Variants in NHS observed in about 807,000 individuals in gnomAD.
NHS encodes actin remodeling regulator NHS.
Under a neutral mutation model 72.5 loss-of-function variants are expected in NHS, and 5 were observed. That is an observed-to-expected ratio of 0.07 (90% CI 0.04 to 0.14). NHS has a LOEUF of 0.14. Among genes scored for constraint, NHS ranks in the 10% least tolerant of loss-of-function variants. The pLI, the probability that NHS is intolerant of heterozygous loss-of-function variation, is 1.00. For synonymous variants in NHS, 464 were observed against 547.7 expected, an observed-to-expected ratio of 0.85 and a Z score of 2.13; for missense variants, 1,072 against 1,355.7, an observed-to-expected ratio of 0.79 and a Z score of 3.29.
At chrX:17,702,463 A>C (rs1454982725) in intron 3 of NHS, among the ~76,000 whole-genome samples, 4 of 111,644 alleles carry the variant, frequency 3.6e-5, no homozygotes, top group Non-Finnish European at 5.6e-5. Flanking sequence ...CAGGCGGATC[A>C]CTTGAGGTCA....
chrX:17,675,338 T>C (rs2066073478), intron 1 of NHS, among the ~76,000 whole-genome samples: 1 of 112,774 alleles, frequency 8.9e-6, no homozygotes, highest in Admixed American at 9.4e-5. Context: ...AGATCAATTA[T>C]AAAATCAAGG....
At chrX:17,468,980 C>T (rs2064881209) in intron 1 of NHS, among the ~76,000 whole-genome samples, 1 of 111,982 alleles carries the variant, frequency 8.9e-6, no homozygotes, top group Non-Finnish European at 1.9e-5. Context: ...TGTCTCTGTC[C>T]ACCTGCCCTG....
intron 1 of NHS, among the ~76,000 whole-genome samples, chrX:17,539,537 T>C (rs903652746): frequency 9.1e-6 from 1 of 109,913 alleles, no homozygotes; most frequent in African/African-American, 3.3e-5. Flanking sequence ...GAATGATCAG[T>C]GGCAATTAGA....
chrX:17,540,426 A>G (rs1196676058), intron 1 of NHS, among the ~76,000 whole-genome samples: 1 of 112,184 alleles, frequency 8.9e-6, no homozygotes, highest in African/African-American at 3.2e-5. Flanking sequence ...AAGGCAGAAG[A>G]GATTGTGAGT....
At chrX:17,705,094 C>T (rs2066288445) in intron 3 of NHS, among the ~76,000 whole-genome samples, 1 of 111,917 alleles carries the variant, frequency 8.9e-6, no homozygotes, top group South Asian at 3.8e-4. Context: ...AAATGGAGAA[C>T]CAGTGAATTC....
rs2064344031 is a variant in NHS at position 17,375,982 on chromosome X, C to T, written c.225C>T (p.Pro75=). Residue 75 remains proline, a synonymous_variant, in exon 1 of 9, where the codon CCC becomes CCT. Coordinates refer to ENST00000676302, the MANE Select transcript of NHS (RefSeq NM_001291867.2). The stretch of plus-strand genomic sequence containing the variant: ...TGCCACCGCCGCCGCCGCCACTGCC[C>T]GCGCCGGCCGACCAGACTCAGCCGC... ...SGLPPPPPPL[P]APADQTQPPH... 2.8e-6 allele frequency: 3 copies of T among 1,076,491 alleles called. No individual in the cohort carries two copies. Among genetic ancestry groups the T allele is most frequent in the Non-Finnish European group, 1.2e-6 (1 of 832,606 alleles). 88.7% of individuals were successfully genotyped at this position (1,076,491 alleles called of 1,213,427 possible).
chrX:17,607,629 A>C (rs751816138), intron 1 of NHS, among the ~76,000 whole-genome samples: 7 of 111,630 alleles, frequency 6.3e-5, no homozygotes, highest in Non-Finnish European at 1.3e-4. Flanking sequence ...ACTGCCTAAT[A>C]GAACTTTCTA....
chrX:17,421,437 T>A (rs1269819397), intron 1 of NHS, among the ~76,000 whole-genome samples: 1 of 111,832 alleles, frequency 8.9e-6, no homozygotes, highest in African/African-American at 3.2e-5. Flanking sequence ...AAGACAACTG[T>A]TGGAAATGAA....
In NHS at chrX:17,516,732, C is replaced by A. The variant is rs944572277; in HGVS notation, c.565+140410C>A. ...TTCCTATGTCTGCTTGACCTTTCAACCTCCACATACTGCCAACTTGGCCCC... is the reference window on the plus strand; with the variant it reads ...TTCCTATGTCTGCTTGACCTTTCAAACTCCACATACTGCCAACTTGGCCCC... On this transcript the variant is annotated intron_variant, in intron 1 of 8. Coordinates refer to ENST00000676302, the MANE Select transcript of NHS (RefSeq NM_001291867.2). 7.4e-5 allele frequency among the ~76,000 whole-genome samples: 8 copies of A among 108,754 alleles called. No homozygotes were observed. The Admixed American group carries it at 7.9e-4, about 11-fold the overall frequency. 94.4% of individuals were successfully genotyped at this position (108,754 alleles called of 115,157 possible). A position where few individuals can be genotyped will look rare whatever the true frequency, so the allele number is the denominator to read the frequency against.
chrX:17,382,154 C>T (rs200530277), intron 1 of NHS, among the ~76,000 whole-genome samples: 14 of 111,442 alleles, frequency 1.3e-4, no homozygotes, highest in East Asian at 5.6e-4. Context: ...GGTACATGTG[C>T]GGGCTTGATA....
chrX:17,405,827 G>C lies in NHS; in HGVS notation c.565+29505G>C, dbSNP rs2064526673. Among the ~76,000 whole-genome samples, 5 of 111,857 alleles carry C rather than the reference G, an allele frequency of 4.5e-5. No homozygotes were observed. The Middle Eastern group carries it at 0.019, about 416-fold the overall frequency. ...TCCCTCCCCTGCCTGAGAGAGAACA[G>C]GTGTGTAATAGCACACGTGACGTGT... On this transcript the variant is annotated intron_variant, in intron 1 of 8. Coordinates refer to ENST00000676302, the MANE Select transcript of NHS (RefSeq NM_001291867.2).
rs898962925 is a variant in NHS, at chrX:17,471,833, G to C, written c.565+95511G>C. On this transcript the variant is annotated intron_variant, in intron 1 of 8. Transcript: ENST00000676302. ...GCTAAGGAATGCTTCTAAGACAGTA[G>C]AAAATAAAGCCTTATGTGAACAAGG... 6.3e-5 allele frequency among the ~76,000 whole-genome samples: 7 copies of C among 111,786 alleles called. No individual in the cohort carries two copies. In the Admixed American group the frequency reaches 6.7e-4, roughly 11 times the overall value.
chrX:17,409,532 C>T (rs919762113), intron 1 of NHS, among the ~76,000 whole-genome samples: 1 of 111,175 alleles, frequency 9.0e-6, no homozygotes, highest in East Asian at 2.8e-4. Context: ...AAACATCTCC[C>T]AAATCTCAAT....
intron 1 of NHS, among the ~76,000 whole-genome samples, chrX:17,603,278 C>T (rs1474597555): frequency 8.9e-6 from 1 of 112,269 alleles, no homozygotes; most frequent in Non-Finnish European, 1.9e-5. Context: ...TTTTTATGTG[C>T]ATTTGTGCAC....
chrX:17,399,352 G>A (rs760993698), intron 1 of NHS, among the ~76,000 whole-genome samples: 3 of 111,350 alleles, frequency 2.7e-5, no homozygotes, highest in South Asian at 3.8e-4. Context: ...TCCACCCGCC[G>A]TGGCCTCCCA....
At chrX:17,635,672 T>C in intron 1 of NHS, 1 of 1,005,694 alleles carries the variant, frequency 9.9e-7, no homozygotes, top group Non-Finnish European at 1.4e-6. Context: ...AAGAGGGGCT[T>C]GTGCTGTAGC....
chrX:17,471,160 T>A (rs749408553), intron 1 of NHS, among the ~76,000 whole-genome samples: 73 of 112,933 alleles, frequency 6.5e-4, no homozygotes, highest in African/African-American at 2.2e-3. Context: ...GTTTATCTTT[T>A]CATTGAACGT....
intron 1 of NHS, among the ~76,000 whole-genome samples, chrX:17,464,927 A>G (rs772477360): frequency 1.8e-5 from 2 of 112,359 alleles, no homozygotes; most frequent in Non-Finnish European, 3.8e-5. Flanking sequence ...GCATGGAAAT[A>G]CCAGCCTGCC....
At chrX:17,564,506 C>T (rs373718800) in intron 1 of NHS, among the ~76,000 whole-genome samples, 22 of 112,000 alleles carry the variant, frequency 2.0e-4, no homozygotes, top group African/African-American at 5.8e-4. Context: ...CAAATGATGA[C>T]GCTTATATGG....
Sources: allele counts gnomAD v4.1 joint callset (sites outside exome capture counted in the v4.1 genomes callset), GRCh38; gene constraint gnomAD v4.1.1; transcripts MANE v1.5; gene names NCBI Gene and HGNC (gene_info 2026-07-23, HGNC 2026-07-21).